Variants in CRTAC1 observed in about 807,000 individuals in gnomAD.
CRTAC1 encodes acidic secreted protein in cartilage.
A neutral mutation model predicts 67.8 loss-of-function variants in CRTAC1; 37 were observed. The ratio of observed to expected loss-of-function variants is 0.55; its 90% CI spans 0.42 to 0.72. The LOEUF is 0.72. Among genes scored for constraint, CRTAC1 ranks in the 30% least tolerant of loss-of-function variants. CRTAC1 has a pLI of 0.00. For synonymous variants in CRTAC1, 348 were observed against 371.0 expected (o/e 0.94, Z 0.71); for missense variants, 780 against 931.6 (o/e 0.84, Z 2.12).
chr10:97,986,324 G>C (rs2051983098), intron 2 of CRTAC1, among the ~76,000 whole-genome samples: 1 of 152,216 alleles, frequency 6.6e-6, no homozygotes. Context: ...CCTTCCTTTA[G>C]TGGTTTGATC....
Position 98,004,958 on chromosome 10 carries a change from TG to T in CRTAC1, c.224+6179del, listed in dbSNP as rs569342924. ...AGCAAACCGGAAACAGTTGTTACTC[TG>T]GGAAGGGGCTGGGATGGTCTTGAAG... On this transcript the variant is annotated intron_variant, in intron 2 of 14. Transcript: ENST00000370597. Among the ~76,000 whole-genome samples, 17 of 150,028 alleles carry T rather than the reference TG, an allele frequency of 1.1e-4. No homozygotes were observed. In the South Asian group the frequency reaches 3.6e-3, roughly 31 times the overall value.
chr10:97,879,585 C>G, intron 14 of CRTAC1: 1 of 1,442,482 alleles, frequency 6.9e-7, no homozygotes, highest in Non-Finnish European at 9.2e-7. Context: ...CACAGCAGAA[C>G]CTACTGGGCG....
chr10:98,025,914 A>G (rs1031548854), intron 1 of CRTAC1, among the ~76,000 whole-genome samples: 3 of 152,216 alleles, frequency 2.0e-5, no homozygotes, highest in Non-Finnish European at 4.4e-5. Context: ...GCAGAACCCC[A>G]AAGTGAAAAC....
chr10:98,011,087 T>A lies in CRTAC1; in HGVS notation c.224+51A>T, dbSNP rs374227533. 1.6e-5 allele frequency: 24 copies of A among 1,539,376 alleles called. No homozygotes were observed. In the African/African-American group the frequency reaches 2.7e-4, roughly 17 times the overall value. On this transcript the variant is annotated intron_variant, in intron 2 of 14. Transcript: ENST00000370597. ...GTTTGGAGTTGTTACACAGCCTTATTACAGCAAAATCTGATTAATATCTGT... is the reference window on the plus strand; with the variant it reads ...GTTTGGAGTTGTTACACAGCCTTATAACAGCAAAATCTGATTAATATCTGT...
At chr10:97,997,285 T>C (rs950114980) in intron 2 of CRTAC1, among the ~76,000 whole-genome samples, 26 of 129,038 alleles carry the variant, frequency 2.0e-4, no homozygotes, top group Non-Finnish European at 3.8e-4. Context: ...AATAAAATAG[T>C]CAAATACAAA....
intron 14 of CRTAC1, among the ~76,000 whole-genome samples, chr10:97,872,470 GGAA>G (rs2050104555): frequency 6.6e-6 from 1 of 152,186 alleles, no homozygotes; most frequent in African/African-American, 2.4e-5. Context: ...GAGGAGGGGA[GGAA>G]GCGTGTGTCC....
intron 14 of CRTAC1, chr10:97,878,635 A>C (rs539533375): frequency 2.5e-5 from 33 of 1,303,982 alleles, no homozygotes; most frequent in Non-Finnish European, 3.2e-5. Context: ...TGTTCTGGCT[A>C]CAGGAGCATT....
intron 7 of CRTAC1, among the ~76,000 whole-genome samples, chr10:97,903,585 C>G (rs1226947111): frequency 6.6e-6 from 1 of 152,040 alleles, no homozygotes; most frequent in Admixed American, 6.5e-5. Flanking sequence ...GTTACACAGA[C>G]ATGAGGTCCC....
At chr10:97,886,017 C>A (rs2050278827) in intron 11 of CRTAC1, among the ~76,000 whole-genome samples, 2 of 152,160 alleles carry the variant, frequency 1.3e-5, no homozygotes, top group African/African-American at 4.8e-5. Context: ...CGGTAGTTGG[C>A]AAAATGTCTT....
At chr10:97,943,844 G>A (rs1008267610) in intron 2 of CRTAC1, among the ~76,000 whole-genome samples, 1 of 152,218 alleles carries the variant, frequency 6.6e-6, no homozygotes, top group Non-Finnish European at 1.5e-5. Flanking sequence ...GCCAAAAGCT[G>A]AAAATATTTT....
At chr10:97,943,829 G>A (rs1320358045) in intron 2 of CRTAC1, among the ~76,000 whole-genome samples, 5 of 152,212 alleles carry the variant, frequency 3.3e-5, no homozygotes, top group South Asian at 2.1e-4. Context: ...AATAGAGACC[G>A]TATGGCCAAA....
intron 2 of CRTAC1, among the ~76,000 whole-genome samples, chr10:97,998,694 G>A (rs1040779140): frequency 6.6e-6 from 1 of 151,974 alleles, no homozygotes; most frequent in Non-Finnish European, 1.5e-5. Context: ...AAGGAAAAAT[G>A]AGCAATAAAA....
At chr10:97,974,581 T>C (rs1415933084) in intron 2 of CRTAC1, among the ~76,000 whole-genome samples, 1 of 152,098 alleles carries the variant, frequency 6.6e-6, no homozygotes, top group African/African-American at 2.4e-5. Context: ...GTCGCTTTGG[T>C]GGAAATTGTT....
intron 13 of CRTAC1, among the ~76,000 whole-genome samples, chr10:97,882,154 CCT>C (rs1351309851): frequency 6.6e-6 from 1 of 152,186 alleles, no homozygotes; most frequent in Non-Finnish European, 1.5e-5. Context: ...AAGGAGGGAT[CCT>C]TGGCCTGACC....
At position 97,904,457 on chromosome 10, in the gene CRTAC1, T is replaced by A. The variant is rs191522020; in HGVS notation, c.996+212A>T. ...TTTTATTTGAGATGGAGTCTCGCTC[T>A]GTCACTCAGGCTGGAGTGCAGTAGC... is the stretch of plus-strand genomic sequence containing the variant. On this transcript the variant is annotated intron_variant, in intron 7 of 14. Coordinates refer to ENST00000370597, the MANE Select transcript of CRTAC1 (RefSeq NM_018058.7). Among the ~76,000 whole-genome samples, 387 of 152,284 alleles carry A rather than the reference T, an allele frequency of 2.5e-3. 5 individuals carry two copies. Among genetic ancestry groups the A allele is most frequent in the African/African-American group, 9.0e-3 (376 of 41,562 alleles).
chr10:97,953,262 C>T (rs1490388539), intron 2 of CRTAC1, among the ~76,000 whole-genome samples: 1 of 152,164 alleles, frequency 6.6e-6, no homozygotes, highest in African/African-American at 2.4e-5. Flanking sequence ...ATGGCACTAC[C>T]TTTCTTCTTT....
intron 2 of CRTAC1, among the ~76,000 whole-genome samples, chr10:98,009,184 G>A (rs1022149248): frequency 6.6e-6 from 1 of 152,146 alleles, no homozygotes; most frequent in African/African-American, 2.4e-5. Context: ...GCCCAGAACT[G>A]TACTGTCCAA....
chr10:97,883,907 A>AGCCTTGGTGG (rs1554911998), intron 12 of CRTAC1, among the ~76,000 whole-genome samples: 1 of 152,232 alleles, frequency 6.6e-6, no homozygotes, highest in Non-Finnish European at 1.5e-5. Flanking sequence ...CTGGCTGTAC[A>AGCCTTGGTGG]GCCTTGGTGG....
chr10:97,973,689 C>T (rs776767117), intron 2 of CRTAC1, among the ~76,000 whole-genome samples: 17 of 152,176 alleles, frequency 1.1e-4, no homozygotes, highest in Admixed American at 2.0e-4. Context: ...CCACTTCCTC[C>T]TTCCTGAACC....
Sources: gnomAD v4.1 joint callset for allele counts (sites outside exome capture counted in the v4.1 genomes callset) on GRCh38, gnomAD v4.1.1 for gene constraint, MANE v1.5 for transcripts, NCBI Gene and HGNC (gene_info 2026-07-23, HGNC 2026-07-21) for gene names.